The following GHR variants were observed in gnomAD, a reference collection of about 807,000 sequenced individuals.
GHR encodes the protein GH receptor.
Under a neutral mutation model 67.1 loss-of-function variants are expected in GHR, and 35 were observed. The ratio of observed to expected loss-of-function variants is 0.52; its 90% CI spans 0.40 to 0.69. The LOEUF (loss-of-function observed/expected upper bound fraction) is 0.69. GHR is among the 30% of genes least tolerant of loss of function. The pLI is 0.00. For missense variants in GHR, 792 were observed against 764.6 expected (o/e 1.04, Z -0.42); for synonymous variants, 272 against 269.1 (o/e 1.01, Z -0.10).
intron 1 of GHR, among the ~76,000 whole-genome samples, chr5:42,526,736 C>T (rs1469190327): frequency 6.6e-6 from 1 of 151,892 alleles, no homozygotes; most frequent in African/African-American, 2.4e-5. Context: ...ACAGAGAACC[C>T]CTGCAAGATT....
At chr5:42,609,394 A>G (rs1046844439) in intron 2 of GHR, among the ~76,000 whole-genome samples, 5 of 152,194 alleles carry the variant, frequency 3.3e-5, no homozygotes, top group African/African-American at 1.2e-4. Flanking sequence ...ATGAGTGTGG[A>G]GCAACAAATG....
intron 1 of GHR, among the ~76,000 whole-genome samples, chr5:42,477,052 T>G (rs1294233216): frequency 2.7e-5 from 3 of 109,698 alleles, no homozygotes; most frequent in South Asian, 3.4e-4. Flanking sequence ...CCCACAACAG[T>G]CCCCAGTGTG....
chr5:42,551,494 G>A (rs1749031074), intron 1 of GHR, among the ~76,000 whole-genome samples: 1 of 152,152 alleles, frequency 6.6e-6, no homozygotes, highest in African/African-American at 2.4e-5. Context: ...AGAGAAGGTA[G>A]GAGACTAAGA....
intron 3 of GHR, among the ~76,000 whole-genome samples, chr5:42,653,861 T>A (rs1490956165): frequency 6.6e-6 from 1 of 152,160 alleles, no homozygotes; most frequent in Non-Finnish European, 1.5e-5. Context: ...CTAGTCCAAA[T>A]CAAGTGAATA....
chr5:42,684,682 AC>A (rs1003211001), intron 3 of GHR, among the ~76,000 whole-genome samples: 1 of 152,178 alleles, frequency 6.6e-6, no homozygotes, highest in Non-Finnish European at 1.5e-5. Context: ...TGCCCTCAGT[AC>A]CAAGGCACAT....
chr5:42,656,085 C>G (rs1755240945), intron 3 of GHR, among the ~76,000 whole-genome samples: 1 of 151,978 alleles, frequency 6.6e-6, no homozygotes, highest in Non-Finnish European at 1.5e-5. Flanking sequence ...CATACAGAAC[C>G]TGCAAAAAAC....
At chr5:42,707,149 T>C (rs1459154532) in intron 6 of GHR, among the ~76,000 whole-genome samples, 2 of 152,002 alleles carry the variant, frequency 1.3e-5, no homozygotes, top group African/African-American at 2.4e-5. Flanking sequence ...GTGGCTATAA[T>C]AGGCTATGTT....
chr5:42,558,274 G>A (rs1424304339), intron 1 of GHR, among the ~76,000 whole-genome samples: 1 of 152,124 alleles, frequency 6.6e-6, no homozygotes, highest in Non-Finnish European at 1.5e-5. Context: ...GCATTTGGGA[G>A]GACCTTTTAC....
In GHR at chr5:42,424,171, A is replaced by T. The variant is rs1378984497; in HGVS notation, c.-12+216A>T. ...CTGGTGGGTTGTTGTAACCCAATCT[A>T]GTGTGTGTGTGTGTGTGTGTGTGTG... On this transcript the variant is annotated intron_variant, in intron 1 of 9. Coordinates refer to ENST00000230882, the MANE Select transcript of GHR (RefSeq NM_000163.5). The surrounding 1 kb of genome is among the most constrained non-coding windows in gnomAD (Gnocchi z 4.1). 2.0e-5 allele frequency among the ~76,000 whole-genome samples: 2 copies of T among 100,508 alleles called. No individual in the cohort carries two copies. Among genetic ancestry groups the T allele is most frequent in the South Asian group, 3.9e-4 (1 of 2,536 alleles). 65.9% of individuals were successfully genotyped at this position (100,508 alleles called of 152,430 possible).
At chr5:42,500,382 G>T (rs1032267100) in intron 1 of GHR, among the ~76,000 whole-genome samples, 1 of 152,252 alleles carries the variant, frequency 6.6e-6, no homozygotes, top group African/African-American at 2.4e-5. Context: ...TCTGGGTTCT[G>T]CCCTTCAGGC....
At chr5:42,643,860 T>TA (rs538636326) in intron 3 of GHR, among the ~76,000 whole-genome samples, 13 of 151,912 alleles carry the variant, frequency 8.6e-5, no homozygotes, top group Admixed American at 3.9e-4. Flanking sequence ...GGTATTTTTT[T>TA]AAAAAAAACT....
intron 1 of GHR, among the ~76,000 whole-genome samples, chr5:42,548,767 T>C (rs1748865264): frequency 6.6e-6 from 1 of 152,184 alleles, no homozygotes; most frequent in Non-Finnish European, 1.5e-5. Context: ...TTTTTTTCTG[T>C]GCTGGAGTTT....
At chr5:42,554,342 A>G (rs1396017827) in intron 1 of GHR, among the ~76,000 whole-genome samples, 1 of 141,682 alleles carries the variant, frequency 7.1e-6, no homozygotes. Context: ...TCTGTCCTAC[A>G]AAAAAAAAAA....
At chr5:42,672,264 G>C (rs1349396356) in intron 3 of GHR, among the ~76,000 whole-genome samples, 2 of 152,040 alleles carry the variant, frequency 1.3e-5, no homozygotes, top group African/African-American at 4.8e-5. Context: ...CACCAAAAAA[G>C]CTCTTGGAAC....
intron 3 of GHR, among the ~76,000 whole-genome samples, chr5:42,636,948 A>G (rs772864642): frequency 6.6e-5 from 10 of 152,228 alleles, no homozygotes; most frequent in Non-Finnish European, 1.0e-4. Context: ...ATGTTACACA[A>G]CTTTCAAAGG....
intron 1 of GHR, among the ~76,000 whole-genome samples, chr5:42,559,086 C>G (rs1263497861): frequency 6.6e-6 from 1 of 152,080 alleles, no homozygotes; most frequent in Non-Finnish European, 1.5e-5. Context: ...GTTCATATAT[C>G]CAATCTGTTA....
intron 3 of GHR, among the ~76,000 whole-genome samples, chr5:42,674,672 A>T (rs765942452): frequency 1.3e-5 from 2 of 152,210 alleles, no homozygotes; most frequent in South Asian, 4.1e-4. Flanking sequence ...GTGTTGTAGC[A>T]TGTATCAGTA....
At chr5:42,494,305 G>T (rs1746231933) in intron 1 of GHR, among the ~76,000 whole-genome samples, 1 of 152,090 alleles carries the variant, frequency 6.6e-6, no homozygotes, top group South Asian at 2.1e-4. Flanking sequence ...GAGGTCATAA[G>T]TTCTTGCCTC....
At chr5:42,456,569 G>A (rs375890558) in intron 1 of GHR, among the ~76,000 whole-genome samples, 3 of 152,112 alleles carry the variant, frequency 2.0e-5, no homozygotes, top group Admixed American at 6.5e-5. Flanking sequence ...GAAATATTAG[G>A]CAACAGTTGG....
Sources: gnomAD v4.1 joint callset for allele counts (sites outside exome capture counted in the v4.1 genomes callset) on GRCh38, gnomAD v4.1.1 for gene constraint, Gnocchi (gnomAD v3.1) non-coding constraint, MANE v1.5 for transcripts, NCBI Gene and HGNC (gene_info 2026-07-23, HGNC 2026-07-21) for gene names.